ARHGEF10: variants seen among roughly 807,000 people sequenced by gnomAD.
The protein encoded by ARHGEF10 is Rho guanine nucleotide exchange factor (GEF) 10.
In ARHGEF10, 140 loss-of-function variants were observed where a neutral mutation model predicts 147.4. The observed-to-expected ratio is 0.95, with a 90% CI of 0.83 to 1.09. ARHGEF10 has a LOEUF of 1.09. ARHGEF10 is among the 50% of genes least tolerant of loss of function. The pLI is 0.00. For synonymous variants in ARHGEF10, 902 were observed against 695.8 expected, an observed-to-expected ratio of 1.30 and a Z score of -4.67; for missense variants, 2,222 against 1,752.7, an observed-to-expected ratio of 1.27 and a Z score of -4.78.
At chr8:1,898,952 C>A (rs1810242175) in intron 15 of ARHGEF10, among the ~76,000 whole-genome samples, 1 of 152,242 alleles carries the variant, frequency 6.6e-6, no homozygotes, top group African/African-American at 2.4e-5. Flanking sequence ...AGGGGATGGA[C>A]AAGCTTGGAA....
intron 26 of ARHGEF10, among the ~76,000 whole-genome samples, chr8:1,944,540 C>T (rs971881122): frequency 1.3e-5 from 2 of 152,248 alleles, no homozygotes; most frequent in African/African-American, 2.4e-5. Flanking sequence ...CAGCAGTCTC[C>T]ACCATGGGGG....
intron 6 of ARHGEF10, 123 bp from the exon 7 acceptor site, chr8:1,869,071 C>A: frequency 2.3e-6 from 2 of 857,212 alleles, no homozygotes; most frequent in Non-Finnish European, 3.9e-6. Context: ...AAAAAAAAAA[C>A]TACCCTTATA....
At chr8:1,921,456 C>A (rs1012328907) in intron 18 of ARHGEF10, among the ~76,000 whole-genome samples, 3 of 152,186 alleles carry the variant, frequency 2.0e-5, no homozygotes, top group African/African-American at 7.2e-5. Flanking sequence ...AGGCCAGGCA[C>A]GGTGGCTCAC....
intron 1 of ARHGEF10, among the ~76,000 whole-genome samples, chr8:1,831,244 G>A (rs1460411082): frequency 2.0e-5 from 3 of 149,278 alleles, no homozygotes; most frequent in Non-Finnish European, 4.5e-5. Flanking sequence ...TGTGACATCC[G>A]TGGAGGGACA....
At chr8:1,828,197 G>A (rs1248197817) in intron 1 of ARHGEF10, among the ~76,000 whole-genome samples, 4 of 152,212 alleles carry the variant, frequency 2.6e-5, no homozygotes, top group East Asian at 1.9e-4. Context: ...TGTTGCTTCC[G>A]TGCTGAGATC....
intron 15 of ARHGEF10, 107 bp from the exon 16 acceptor site, chr8:1,903,174 G>A (rs2129174113): frequency 7.2e-7 from 1 of 1,379,576 alleles, no homozygotes; most frequent in African/African-American, 1.4e-5. Flanking sequence ...CCCCAGGATG[G>A]CAGATGCCAC....
At chr8:1,872,155 T>TA (rs1176631956) in intron 7 of ARHGEF10, among the ~76,000 whole-genome samples, 1 of 152,154 alleles carries the variant, frequency 6.6e-6, no homozygotes, top group African/African-American at 2.4e-5. Context: ...GAGGATGCTA[T>TA]AAATAACTTT....
intron 3 of ARHGEF10, 33 bp from the exon 4 acceptor site, chr8:1,859,864 G>A (rs1476487995): frequency 1.2e-6 from 2 of 1,613,316 alleles, no homozygotes; most frequent in African/African-American, 1.3e-5. Flanking sequence ...CCTTGGTGAT[G>A]TGTCTGCTGA....
At chr8:1,849,071 ACACCG>A (rs1332252502) in intron 2 of ARHGEF10, among the ~76,000 whole-genome samples, 4 of 152,232 alleles carry the variant, frequency 2.6e-5, no homozygotes, top group Non-Finnish European at 5.9e-5. Context: ...TCACCCCTAG[ACACCG>A]CTCCCCACCC....
chr8:1,953,668 G>A (rs918374776), intron 28 of ARHGEF10, among the ~76,000 whole-genome samples: 1 of 152,206 alleles, frequency 6.6e-6, no homozygotes, highest in African/African-American at 2.4e-5. Flanking sequence ...CCCGCAGTTC[G>A]TAATGACGGA....
intron 11 of ARHGEF10, among the ~76,000 whole-genome samples, chr8:1,886,489 G>A (rs1343994801): frequency 1.3e-5 from 2 of 152,228 alleles, no homozygotes; most frequent in African/African-American, 4.8e-5. Context: ...TTTAAAAAGA[G>A]ATGAAAAGGG....
intron 1 of ARHGEF10, among the ~76,000 whole-genome samples, chr8:1,824,371 C>T (rs868038277): frequency 7.4e-4 from 112 of 152,068 alleles, no homozygotes; most frequent in African/African-American, 2.5e-3. Flanking sequence ...AGCAGGGACC[C>T]CTGGCCCCAG....
intron 7 of ARHGEF10, 97 bp from the exon 8 acceptor site, chr8:1,876,474 C>T: frequency 7.8e-7 from 1 of 1,278,096 alleles, no homozygotes; most frequent in Non-Finnish European, 1.1e-6. Flanking sequence ...TCCTTCCACC[C>T]CCAGCTCTAG....
chr8:1,895,501 T>C (rs139642239), intron 13 of ARHGEF10, among the ~76,000 whole-genome samples: 2 of 152,206 alleles, frequency 1.3e-5, no homozygotes, highest in Non-Finnish European at 2.9e-5. Flanking sequence ...TCAAAGATAT[T>C]TGCATAATAC....
At chr8:1,892,153 T>C (rs1809581362) in intron 11 of ARHGEF10, among the ~76,000 whole-genome samples, 1 of 151,804 alleles carries the variant, frequency 6.6e-6, no homozygotes, top group Admixed American at 6.6e-5. Context: ...GGCCTGGGTT[T>C]GATGATGGGA....
At chr8:1,853,245 G>T (rs766251337) in intron 2 of ARHGEF10, among the ~76,000 whole-genome samples, 11 of 152,314 alleles carry the variant, frequency 7.2e-5, no homozygotes, top group South Asian at 2.1e-4. Flanking sequence ...GTGCAGCCCT[G>T]CCCAGGCCGC....
In ARHGEF10 at chr8:1,823,963, A is replaced by G. The variant is rs1285797427; in HGVS notation, c.-198A>G. ...CATCCCTGTAGCCGGCGGGCGCGCG[A>G]TCCGGGACGGACGGGGTCGCGGGGG... On this transcript the variant is annotated 5_prime_UTR_variant, in exon 1 of 29. Coordinates refer to ENST00000349830, the MANE Select transcript of ARHGEF10 (RefSeq NM_014629.4). The G allele has an allele frequency of 7.4e-6, 1 of 135,634 alleles. No homozygotes were observed. The highest frequency in any genetic ancestry group is 1.6e-5 in the Non-Finnish European group (1 of 63,760). The allele number at this position is 135,634 out of a possible 1,614,324, so 8.4% of individuals were successfully genotyped here.
intron 23 of ARHGEF10, chr8:1,926,692 C>T: frequency 1.7e-6 from 1 of 590,542 alleles, no homozygotes; most frequent in Non-Finnish European, 3.0e-6. Flanking sequence ...TCATCTAAAA[C>T]ATTTACCAGA....
At chr8:1,827,558 A>G (rs2129030420) in intron 1 of ARHGEF10, among the ~76,000 whole-genome samples, 1 of 152,274 alleles carries the variant, frequency 6.6e-6, no homozygotes, top group Admixed American at 6.5e-5. Flanking sequence ...CACCTGCCTC[A>G]GCCTCCCAAA....
Sources: gnomAD v4.1 joint callset for allele counts (sites outside exome capture counted in the v4.1 genomes callset) on GRCh38, gnomAD v4.1.1 for gene constraint, MANE v1.5 for transcripts, NCBI Gene and HGNC (gene_info 2026-07-23, HGNC 2026-07-21) for gene names.